The following DNAJC3 variants were observed in gnomAD, a reference collection of about 807,000 sequenced individuals.
DNAJC3 encodes the protein dnaJ homolog subfamily C member 3.
In DNAJC3, 38 loss-of-function variants were observed where a neutral mutation model predicts 68.6. The observed-to-expected ratio is 0.55, with a 90% CI of 0.43 to 0.73. The LOEUF is 0.73. Among genes scored for constraint, DNAJC3 ranks in the 30% least tolerant of loss-of-function variants. The pLI is 0.00. For synonymous variants in DNAJC3, 203 were observed against 204.0 expected, an observed-to-expected ratio of 1.00 and a Z score of 0.04; for missense variants, 526 against 591.9, an observed-to-expected ratio of 0.89 and a Z score of 1.16.
intron 9 of DNAJC3, among the ~76,000 whole-genome samples, chr13:95,774,733 T>G (rs1021142954): frequency 1.3e-5 from 2 of 152,242 alleles, no homozygotes; most frequent in Non-Finnish European, 2.9e-5. Flanking sequence ...AGTGTTCCTG[T>G]TGATCACTGG....
intron 2 of DNAJC3, among the ~76,000 whole-genome samples, chr13:95,713,349 TCAACATACTTTTGTAG>T (rs1367313543): frequency 6.6e-6 from 1 of 152,064 alleles, no homozygotes; most frequent in Non-Finnish European, 1.5e-5. Context: ...GATAACAAAT[TCAACATACTTTTGTAG>T]CAACAGAGTC....
chr13:95,704,487 C>T (rs1053238711), intron 1 of DNAJC3, among the ~76,000 whole-genome samples: 6 of 152,134 alleles, frequency 3.9e-5, no homozygotes. Context: ...ATGGTAAAAC[C>T]AGTTAATCTT....
rs1054249683 is a variant in DNAJC3 at position 95,793,227 on chromosome 13, C to T, written c.*2197C>T. 2 of 152,212 alleles carry T rather than the reference C, an allele frequency of 1.3e-5. No homozygotes were observed. Among genetic ancestry groups the T allele is most frequent in the African/African-American group, 2.4e-5 (1 of 41,456 alleles). The allele number at this position is 152,212 out of a possible 1,614,324, so 9.4% of individuals were successfully genotyped here. A position where few individuals can be genotyped will look rare whatever the true frequency, so the allele number is the denominator to read the frequency against. ...GCCATGGAGGGAAATGAATTCTCTG[C>T]AATCTGTTGTTTCGCTGATTCATGA... On this transcript the variant is annotated 3_prime_UTR_variant, in exon 12 of 12. Transcript: ENST00000602402.
intron 1 of DNAJC3, among the ~76,000 whole-genome samples, chr13:95,699,026 G>T (rs1041503559): frequency 8.5e-5 from 13 of 152,204 alleles, no homozygotes; most frequent in African/African-American, 3.1e-4. Flanking sequence ...ATAGGGGCTG[G>T]ATTTGAAGGA....
chr13:95,727,121 C>G (rs1400065076), intron 4 of DNAJC3, among the ~76,000 whole-genome samples: 2 of 151,650 alleles, frequency 1.3e-5, no homozygotes, highest in Non-Finnish European at 2.9e-5. Context: ...AAACATTTGT[C>G]AAATGGATGA....
At chr13:95,743,983 C>T (rs931504998) in intron 4 of DNAJC3, among the ~76,000 whole-genome samples, 10 of 152,114 alleles carry the variant, frequency 6.6e-5, no homozygotes, top group African/African-American at 2.2e-4. Flanking sequence ...TTAGAATAAA[C>T]TTGTCTGTGT....
At position 95,690,962 on chromosome 13, in the gene DNAJC3, G is replaced by C. The variant is rs557358471; in HGVS notation, c.82+13625G>C. On this transcript the variant is annotated intron_variant, in intron 1 of 11. Coordinates refer to ENST00000602402, the MANE Select transcript of DNAJC3 (RefSeq NM_006260.5). ...TCCCGGACGGGGCGGCTGGCCGGGC[G>C]GGGGGCTGACACCCCCACCTCCCTC... Among the ~76,000 whole-genome samples, 790 of 132,326 alleles carry C rather than the reference G, an allele frequency of 6.0e-3. 29 individuals carry two copies. The highest frequency in any genetic ancestry group is 0.022 in the African/African-American group (742 of 33,054). The allele number at this position is 132,326 out of a possible 152,430, so 86.8% of individuals were successfully genotyped here.
intron 4 of DNAJC3, among the ~76,000 whole-genome samples, chr13:95,755,323 C>T (rs1199367393): frequency 6.6e-6 from 1 of 152,122 alleles, no homozygotes; most frequent in Non-Finnish European, 1.5e-5. Context: ...TAGTGGCATG[C>T]ACCTGTAGTT....
chr13:95,734,838 C>CT (rs1163448018), intron 4 of DNAJC3, among the ~76,000 whole-genome samples: 5 of 137,670 alleles, frequency 3.6e-5, no homozygotes. Context: ...TTTAATTATA[C>CT]TTTAAGTTTT....
At chr13:95,678,283 T>C (rs957951405) in intron 1 of DNAJC3, among the ~76,000 whole-genome samples, 3 of 152,124 alleles carry the variant, frequency 2.0e-5, no homozygotes, top group African/African-American at 7.3e-5. Context: ...GAGGTCAAAT[T>C]AAACCTTTGA....
At chr13:95,737,357 CCT>C (rs914697503) in intron 4 of DNAJC3, among the ~76,000 whole-genome samples, 1 of 152,038 alleles carries the variant, frequency 6.6e-6, no homozygotes, top group Admixed American at 6.6e-5. Context: ...GGGAGAATTC[CCT>C]CTTTTTCTAT....
chr13:95,760,756 A>T lies in DNAJC3; in HGVS notation c.806A>T (p.Asn269Ile). Residue 269 changes from asparagine (N) to isoleucine (I), a missense_variant, in exon 7 of 12, where the codon AAT (asparagine) becomes ATT (isoleucine). Coordinates refer to ENST00000602402, the MANE Select transcript of DNAJC3 (RefSeq NM_006260.5). ...FAHYKQVKKLNKLIESAEELI... is the reference protein window; with the variant it reads ...FAHYKQVKKLIKLIESAEELI... ...CACTATAAACAAGTAAAGAAACTTA[A>T]TAAGCTGATTGAGTCAGCTGAAGAG... The T allele has an allele frequency of 6.2e-7, 1 of 1,612,876 alleles. No homozygotes were observed. Among genetic ancestry groups the T allele is most frequent in the Non-Finnish European group, 8.5e-7 (1 of 1,179,406 alleles).
At chr13:95,751,402 C>G (rs1201051607) in intron 4 of DNAJC3, among the ~76,000 whole-genome samples, 1 of 152,138 alleles carries the variant, frequency 6.6e-6, no homozygotes, top group Non-Finnish European at 1.5e-5. Context: ...ACATAGGAGA[C>G]CCACTTCAGT....
chr13:95,690,966 G>A (rs1199595314), intron 1 of DNAJC3, among the ~76,000 whole-genome samples: 3 of 142,328 alleles, frequency 2.1e-5, no homozygotes, highest in African/African-American at 5.3e-5. Context: ...CCGGGCGGGG[G>A]GCTGACACCC....
At position 95,776,927 on chromosome 13, in the gene DNAJC3, G is replaced by A. The variant is rs1883309664; in HGVS notation, c.1076-9012G>A. ...ATGTTTCGTCAGCTGTATCCCTTCT[G>A]CACCATCAGGGCACACGCTCTGCTC... is the stretch of plus-strand genomic sequence containing the variant. On this transcript the variant is annotated intron_variant, in intron 9 of 11. Coordinates refer to ENST00000602402, the MANE Select transcript of DNAJC3 (RefSeq NM_006260.5). 1.3e-5 allele frequency among the ~76,000 whole-genome samples: 2 copies of A among 152,072 alleles called. 1 individual carries two copies. Among genetic ancestry groups the A allele is most frequent in the South Asian group, 4.2e-4 (2 of 4,818 alleles).
At chr13:95,717,392 CAA>C (rs929567910) in intron 2 of DNAJC3, among the ~76,000 whole-genome samples, 4 of 152,138 alleles carry the variant, frequency 2.6e-5, no homozygotes, top group Non-Finnish European at 4.4e-5. Context: ...CAAAAGGAAA[CAA>C]AAAGTGCTCT....
At chr13:95,772,006 A>G (rs1220044651) in intron 9 of DNAJC3, among the ~76,000 whole-genome samples, 1 of 152,216 alleles carries the variant, frequency 6.6e-6, no homozygotes, top group African/African-American at 2.4e-5. Context: ...GACTTTTCCT[A>G]TAAAGAGCCA....
Position 95,760,074 on chromosome 13 carries a change from G to A in DNAJC3, c.581G>A (p.Arg194Gln), listed in dbSNP as rs1327043796. The change falls in exon 6 of 12, where the codon CGA becomes CAA. Residue 194 changes from arginine (R) to glutamine (Q), a missense_variant. Arg to Gln is a conservative substitution (Grantham distance 43). Transcript: ENST00000602402. Reference sequence around the variant, plus strand: ...TGGGATGCAGAACTACGGGAACTTCGAGCTGAATGTTTTATAAAAGAAGGA... The same window carrying A: ...TGGGATGCAGAACTACGGGAACTTCAAGCTGAATGTTTTATAAAAGAAGGA... ...CVWDAELREL[R>Q]AECFIKEGEP... 7 of 1,608,346 alleles carry A rather than the reference G, an allele frequency of 4.4e-6. No homozygotes were observed. The South Asian group carries it at 5.5e-5, about 13-fold the overall frequency.
intron 1 of DNAJC3, among the ~76,000 whole-genome samples, chr13:95,700,337 G>A (rs1191537707): frequency 6.6e-6 from 1 of 152,094 alleles, no homozygotes; most frequent in Non-Finnish European, 1.5e-5. Context: ...AATGTCTGTA[G>A]TTTCTCGAAC....
Sources: gnomAD v4.1 joint callset for allele counts (sites outside exome capture counted in the v4.1 genomes callset) on GRCh38, gnomAD v4.1.1 for gene constraint, MANE v1.5 for transcripts, NCBI Gene and HGNC (gene_info 2026-07-23, HGNC 2026-07-21) for gene names.